The following THADA variants were observed in gnomAD, a reference collection of about 807,000 sequenced individuals.
The protein encoded by THADA is THADA armadillo repeat containing.
Under a neutral mutation model 219.8 loss-of-function variants are expected in THADA, and 213 were observed. The observed-to-expected ratio is 0.97, with a 90% confidence interval of 0.87 to 1.09. The LOEUF (loss-of-function observed/expected upper bound fraction) is 1.09, where lower values mean the gene tolerates loss of function less well. Ranked by LOEUF, THADA falls within the 50% of genes least tolerant of loss-of-function variation. The pLI is 0.00. For missense variants in THADA, 2,956 were observed against 2,311.3 expected (o/e 1.28, Z -5.72); for synonymous variants, 1,018 against 828.9 (o/e 1.23, Z -3.92).
At chr2:43,286,511 TG>T (rs1364476574) in intron 35 of THADA, among the ~76,000 whole-genome samples, 2 of 152,090 alleles carry the variant, frequency 1.3e-5, no homozygotes, top group East Asian at 3.9e-4. Flanking sequence ...GAGGCTGAGG[TG>T]GGTGGATCAC....
chr2:43,586,507 A>G, intron 6 of THADA, 58 bp from the exon 7 acceptor site: 1 of 1,433,708 alleles, frequency 7.0e-7, no homozygotes, highest in South Asian at 1.3e-5. Context: ...CAATTTCAAT[A>G]AAATAAAATA....
At chr2:43,400,953 G>A (rs934695151) in intron 28 of THADA, among the ~76,000 whole-genome samples, 2 of 152,154 alleles carry the variant, frequency 1.3e-5, no homozygotes, top group Non-Finnish European at 2.9e-5. Context: ...TAAAAGTGAT[G>A]AGGAAGAGTC....
At chr2:43,301,646 CA>C (rs1387448832) in intron 31 of THADA, among the ~76,000 whole-genome samples, 4 of 152,190 alleles carry the variant, frequency 2.6e-5, no homozygotes, top group African/African-American at 9.6e-5. Flanking sequence ...TTCTCTTGCA[CA>C]GTGGTTCTCA....
At chr2:43,565,109 G>C (rs895419854) in intron 15 of THADA, 2 of 152,202 alleles carry the variant, frequency 1.3e-5, no homozygotes, top group African/African-American at 2.4e-5. Context: ...AATTAATAAA[G>C]GACACAGATA....
At chr2:43,397,937 T>A (rs1330286270) in intron 29 of THADA, 34 bp downstream of exon 29, 3 of 1,610,226 alleles carry the variant, frequency 1.9e-6, no homozygotes, top group Non-Finnish European at 2.5e-6. Flanking sequence ...TCTTATGGTG[T>A]TTGACAGAAG....
At chr2:43,497,819 A>C (rs1688463476) in intron 25 of THADA, among the ~76,000 whole-genome samples, 1 of 152,114 alleles carries the variant, frequency 6.6e-6, no homozygotes, top group South Asian at 2.1e-4. Flanking sequence ...CAGGAAGCAG[A>C]GGTTGCAGTG....
chr2:43,499,005 T>G, intron 24 of THADA, 50 bp from the exon 25 acceptor site: 2 of 1,535,578 alleles, frequency 1.3e-6, no homozygotes, highest in Non-Finnish European at 1.8e-6. Flanking sequence ...CATGGCTAAT[T>G]CTAAATCTAC....
chr2:43,418,130 A>G (rs1488427612), intron 28 of THADA, among the ~76,000 whole-genome samples: 1 of 152,194 alleles, frequency 6.6e-6, no homozygotes. Context: ...AATTGTTTTC[A>G]ATAAATATCT....
intron 21 of THADA, among the ~76,000 whole-genome samples, chr2:43,535,884 G>A (rs544162839): frequency 1.8e-4 from 28 of 151,570 alleles, no homozygotes; most frequent in Non-Finnish European, 3.1e-4. Context: ...GCAGTGGTGC[G>A]ATCTCTGCCT....
In THADA at chr2:43,430,253, G is replaced by A; in HGVS notation, c.3886C>T (p.Leu1296Phe). The A allele has an allele frequency of 1.9e-6, 3 of 1,552,286 alleles. No homozygotes were observed. Among genetic ancestry groups the A allele is most frequent in the Non-Finnish European group, 2.6e-6 (3 of 1,147,880 alleles). Residue 1296 changes from leucine to phenylalanine, a missense_variant, in exon 27 of 38, where the codon CTT becomes TTT. By Grantham distance (22) the Leu-to-Phe change is conservative. Transcript: ENST00000405975. ...GCTACAGTTTCCAACTGTTTGAGAA[G>A]AAAAGGATAGAGTTCTGGGAAACGA... is the stretch of plus-strand genomic sequence containing the variant. ...FSRFPELYPF[L>F]LKQLETVANT...
At chr2:43,348,057 A>C (rs1361717786) in intron 29 of THADA, among the ~76,000 whole-genome samples, 1 of 152,240 alleles carries the variant, frequency 6.6e-6, no homozygotes, top group African/African-American at 2.4e-5. Context: ...GGTTGAAACC[A>C]GCGGCTCAAA....
chr2:43,590,035 A>T (rs1351836666), intron 4 of THADA, among the ~76,000 whole-genome samples: 1 of 152,210 alleles, frequency 6.6e-6, no homozygotes, highest in Non-Finnish European at 1.5e-5. Context: ...TGTAACACAC[A>T]TATGCTGACC....
intron 29 of THADA, among the ~76,000 whole-genome samples, chr2:43,348,746 T>C (rs1464378375): frequency 6.6e-6 from 1 of 152,176 alleles, no homozygotes; most frequent in African/African-American, 2.4e-5. Flanking sequence ...ATGGAGATTA[T>C]AAGAGAATCT....
At chr2:43,485,397 C>T (rs937387469) in intron 25 of THADA, 72 bp from the exon 26 acceptor site, 1 of 1,062,904 alleles carries the variant, frequency 9.4e-7, no homozygotes, top group Non-Finnish European at 1.4e-6. Flanking sequence ...AATGTTCAAA[C>T]TAGATAATTC....
At chr2:43,381,632 T>C (rs547323974) in intron 29 of THADA, among the ~76,000 whole-genome samples, 1 of 151,838 alleles carries the variant, frequency 6.6e-6, no homozygotes, top group African/African-American at 2.4e-5. Flanking sequence ...CCAGGCTGGA[T>C]TGCAGTGGCA....
At chr2:43,424,723 G>C (rs1558738805) in intron 28 of THADA, among the ~76,000 whole-genome samples, 1 of 152,166 alleles carries the variant, frequency 6.6e-6, no homozygotes, top group Non-Finnish European at 1.5e-5. Context: ...CCCTGTGGTA[G>C]GCTGATGAAA....
intron 17 of THADA, 80 bp downstream of exon 17, chr2:43,556,265 G>A (rs1028874811): frequency 3.9e-6 from 6 of 1,556,808 alleles, no homozygotes; most frequent in Non-Finnish European, 5.2e-6. Context: ...CAAAATATAT[G>A]TTTAACCATT....
chr2:43,570,629 T>G, intron 13 of THADA, 119 bp from the exon 14 acceptor site: 2 of 1,032,950 alleles, frequency 1.9e-6, no homozygotes, highest in Non-Finnish European at 1.3e-6. Flanking sequence ...TTTTAAGCTC[T>G]TAATATTTTA....
At chr2:43,553,904 A>G (rs943505481) in intron 17 of THADA, among the ~76,000 whole-genome samples, 1 of 152,138 alleles carries the variant, frequency 6.6e-6, no homozygotes, top group Admixed American at 6.5e-5. Flanking sequence ...CTCATTGTTC[A>G]TGTGTATATC....
Sources: allele counts gnomAD v4.1 joint callset (sites outside exome capture counted in the v4.1 genomes callset), GRCh38; gene constraint gnomAD v4.1.1; transcripts MANE v1.5; gene names NCBI Gene and HGNC (gene_info 2026-07-23, HGNC 2026-07-21).